The following GNG12 variants were observed in gnomAD, a reference collection of about 807,000 sequenced individuals.
The protein encoded by GNG12 is guanine nucleotide-binding protein G(I)/G(S)/G(O) subunit gamma-12.
For missense variants in GNG12, 69 were observed against 83.8 expected, an observed-to-expected ratio of 0.82 and a Z score of 0.69; for synonymous variants, 28 against 29.7, an observed-to-expected ratio of 0.94 and a Z score of 0.19.
intron 1 of GNG12, among the ~76,000 whole-genome samples, chr1:67,822,841 T>C (rs1185174399): frequency 6.6e-6 from 1 of 152,200 alleles, no homozygotes. Flanking sequence ...TCCCATCAAA[T>C]CATAATTTCC....
intron 2 of GNG12, among the ~76,000 whole-genome samples, chr1:67,730,224 G>A (rs1557598634): frequency 6.6e-6 from 1 of 152,326 alleles, no homozygotes; most frequent in East Asian, 1.9e-4. Flanking sequence ...AGGAGACTGG[G>A]TGTGGTGACT....
At chr1:67,714,218 C>G (rs1401044609) in intron 2 of GNG12, among the ~76,000 whole-genome samples, 1 of 152,204 alleles carries the variant, frequency 6.6e-6, no homozygotes, top group Non-Finnish European at 1.5e-5. Flanking sequence ...TGGGCTGGAT[C>G]TGAGCAGCAG....
chr1:67,748,000 G>C (rs1646516685), intron 2 of GNG12, among the ~76,000 whole-genome samples: 1 of 152,240 alleles, frequency 6.6e-6, no homozygotes, highest in African/African-American at 2.4e-5. Context: ...CTGGGGCAAA[G>C]TGGGAACCCA....
intron 1 of GNG12, among the ~76,000 whole-genome samples, chr1:67,821,787 G>C (rs1189070329): frequency 1.3e-5 from 2 of 149,280 alleles, no homozygotes; most frequent in Non-Finnish European, 3.0e-5. Flanking sequence ...TTTTTTCTTA[G>C]TGGCACATAG....
At chr1:67,830,917 T>C (rs1476541653) in intron 1 of GNG12, among the ~76,000 whole-genome samples, 1 of 152,254 alleles carries the variant, frequency 6.6e-6, no homozygotes, top group African/African-American at 2.4e-5. Context: ...ATTTTGACCA[T>C]GTACTGCGTG....
rs554527270 is a variant in GNG12 at position 67,790,661 on chromosome 1, A to G, written c.-76-13154T>C. On this transcript the variant is annotated intron_variant, in intron 1 of 3. Transcript: ENST00000370982. ...ATCTCGCTCTGTTGCTCAGGCTGGA[A>G]TGCAGTGGCACTATCTCGGCTCTCT... Among the ~76,000 whole-genome samples the G allele has an allele frequency of 4.7e-5, 7 of 149,562 alleles. No individual in the cohort carries two copies. The South Asian group carries it at 1.3e-3, about 27-fold the overall frequency.
At chr1:67,800,277 A>T (rs112837779) in intron 1 of GNG12, among the ~76,000 whole-genome samples, 4,168 of 152,280 alleles carry the variant, frequency 0.027, 85 homozygotes, top group African/African-American at 0.056. Context: ...CCCTGATCTC[A>T]TCAGCAAAGT....
In GNG12 at chr1:67,703,023, T is replaced by G. The variant is rs1459893264; in HGVS notation, c.*2428A>C. Reference sequence around the variant, plus strand: ...GGAGAATAAAGCCTGATAAAAAAAGTGACTTCTGCATATCATATATATGTA... The same window carrying G: ...GGAGAATAAAGCCTGATAAAAAAAGGGACTTCTGCATATCATATATATGTA... On this transcript the variant is annotated 3_prime_UTR_variant, in exon 4 of 4. Transcript: ENST00000370982. 1 of 152,180 alleles carries G rather than the reference T, an allele frequency of 6.6e-6. No individual in the cohort carries two copies. The highest frequency in any genetic ancestry group is 1.5e-5 in the Non-Finnish European group (1 of 68,012). 9.4% of individuals were successfully genotyped at this position (152,180 alleles called of 1,614,324 possible).
At chr1:67,759,149 T>C (rs544555487) in intron 2 of GNG12, among the ~76,000 whole-genome samples, 1 of 152,244 alleles carries the variant, frequency 6.6e-6, no homozygotes, top group East Asian at 1.9e-4. Flanking sequence ...CCCCCAAATA[T>C]GCACAACTAT....
At position 67,702,852 on chromosome 1, in the gene GNG12, C is replaced by A. The variant is rs1485237025; in HGVS notation, c.*2599G>T. On this transcript the variant is annotated 3_prime_UTR_variant, in exon 4 of 4. Coordinates refer to ENST00000370982, the MANE Select transcript of GNG12 (RefSeq NM_018841.6). ...TATACTGAATATATTGAAACAGCTTCATGGAAATGAAGCCAAGAAGTTGCA... is the reference window on the plus strand; with the variant it reads ...TATACTGAATATATTGAAACAGCTTAATGGAAATGAAGCCAAGAAGTTGCA... 3 of 152,170 alleles carry A rather than the reference C, an allele frequency of 2.0e-5. No individual in the cohort carries two copies. The highest frequency in any genetic ancestry group is 4.1e-4 in the South Asian group (2 of 4,820). The allele number at this position is 152,170 out of a possible 1,614,324, so 9.4% of individuals were successfully genotyped here. A position where few individuals can be genotyped will look rare whatever the true frequency, so the allele number is the denominator to read the frequency against.
At chr1:67,823,223 C>T (rs1439590319) in intron 1 of GNG12, among the ~76,000 whole-genome samples, 1 of 152,186 alleles carries the variant, frequency 6.6e-6, no homozygotes. Context: ...GCAGGAAATG[C>T]TATTGAAATG....
intron 1 of GNG12, among the ~76,000 whole-genome samples, chr1:67,811,661 C>G (rs1039111990): frequency 1.3e-5 from 2 of 152,180 alleles, no homozygotes; most frequent in African/African-American, 4.8e-5. Flanking sequence ...TGATGTTACA[C>G]TGCCTGTTGC....
rs1444782592 is a variant in GNG12, at chr1:67,703,823, T to C, written c.*1628A>G. On this transcript the variant is annotated 3_prime_UTR_variant, in exon 4 of 4. Coordinates refer to ENST00000370982, the MANE Select transcript of GNG12 (RefSeq NM_018841.6). Reference sequence around the variant, plus strand: ...TTGTCCACCCTAAATGAGCTAATACTCAAAGCCCAGACATTAGATTTTAAA... The same window carrying C: ...TTGTCCACCCTAAATGAGCTAATACCCAAAGCCCAGACATTAGATTTTAAA... 1 of 152,254 alleles carries C rather than the reference T, an allele frequency of 6.6e-6. No individual in the cohort carries two copies. The highest frequency in any genetic ancestry group is 1.5e-5 in the Non-Finnish European group (1 of 68,050). 9.4% of individuals were successfully genotyped at this position (152,254 alleles called of 1,614,324 possible). A position where few individuals can be genotyped will look rare whatever the true frequency, so the allele number is the denominator to read the frequency against.
chr1:67,797,557 C>T (rs6666181), intron 1 of GNG12, among the ~76,000 whole-genome samples: 15,109 of 152,242 alleles, frequency 0.099, 898 homozygotes, highest in African/African-American at 0.11. Flanking sequence ...TAACCCTCCA[C>T]ACTCACTCCA....
chr1:67,783,067 T>C (rs376432328), intron 1 of GNG12, among the ~76,000 whole-genome samples: 1 of 152,188 alleles, frequency 6.6e-6, no homozygotes, highest in South Asian at 2.1e-4. Flanking sequence ...TTACCTTTTG[T>C]ATATACTTGC....
intron 2 of GNG12, among the ~76,000 whole-genome samples, chr1:67,768,912 T>C (rs116267836): frequency 6.6e-6 from 1 of 152,230 alleles, no homozygotes; most frequent in African/African-American, 2.4e-5. Context: ...AGAATATAGA[T>C]GAACAGTCCC....
intron 2 of GNG12, among the ~76,000 whole-genome samples, chr1:67,731,291 T>C (rs1646417454): frequency 6.6e-6 from 1 of 152,194 alleles, no homozygotes; most frequent in African/African-American, 2.4e-5. Flanking sequence ...TGGTAGGCCC[T>C]GAGGATGTAC....
chr1:67,742,319 C>T (rs189381421), intron 2 of GNG12, among the ~76,000 whole-genome samples: 41 of 152,214 alleles, frequency 2.7e-4, no homozygotes, highest in African/African-American at 9.4e-4. Context: ...ACAATCTAAT[C>T]TTTAATAATT....
At chr1:67,816,926 T>C (rs1557626561) in intron 1 of GNG12, among the ~76,000 whole-genome samples, 1 of 152,202 alleles carries the variant, frequency 6.6e-6, no homozygotes, top group Non-Finnish European at 1.5e-5. Context: ...ATCTGTAAAG[T>C]GGAAATTAAT....
Sources: allele counts gnomAD v4.1 joint callset (sites outside exome capture counted in the v4.1 genomes callset), GRCh38; gene constraint gnomAD v4.1.1; transcripts MANE v1.5; gene names NCBI Gene and HGNC (gene_info 2026-07-23, HGNC 2026-07-21).